Variants in ACER2 observed in about 807,000 individuals in gnomAD.
ACER2 encodes alkCDase 2.
Under a neutral mutation model 34.7 loss-of-function variants are expected in ACER2, and 26 were observed. The ratio of observed to expected loss-of-function variants is 0.75; its 90% CI spans 0.55 to 1.04. The LOEUF (loss-of-function observed/expected upper bound fraction) is 1.04. Ranked by LOEUF, ACER2 falls within the 50% of genes least tolerant of loss-of-function variation. ACER2 has a pLI of 0.00. For missense variants in ACER2, 352 were observed against 340.8 expected, an observed-to-expected ratio of 1.03 and a Z score of -0.26; for synonymous variants, 138 against 132.1, an observed-to-expected ratio of 1.04 and a Z score of -0.31.
chr9:19,424,695 T>G lies in ACER2; in HGVS notation c.224-5T>G. The G allele has an allele frequency of 6.2e-7, 1 of 1,613,022 alleles. No individual in the cohort carries two copies. The highest frequency in any genetic ancestry group is 8.5e-7 in the Non-Finnish European group (1 of 1,179,974). On this transcript the variant is annotated splice_polypyrimidine_tract_variant and splice_region_variant and intron_variant, in intron 2 of 5. Transcript: ENST00000340967. ...CCTTTTTTTATTGGTTGTAATTGAT[T>G]CTAGGAATTGGATCCGTCTACTTCC...
chr9:19,444,570 A>G (rs1831285184), intron 4 of ACER2, among the ~76,000 whole-genome samples: 1 of 152,166 alleles, frequency 6.6e-6, no homozygotes, highest in Admixed American at 6.5e-5. Context: ...ATTCGAAACC[A>G]TCCTGGTCGG....
chr9:19,434,844 T>C, intron 3 of ACER2, 103 bp from the exon 4 acceptor site: 1 of 1,465,380 alleles, frequency 6.8e-7, no homozygotes, highest in Non-Finnish European at 9.3e-7. Context: ...GAATTTCTTT[T>C]CAGCTTGTAT....
At chr9:19,449,983 G>C (rs1831507317) in intron 5 of ACER2, among the ~76,000 whole-genome samples, 1 of 151,678 alleles carries the variant, frequency 6.6e-6, no homozygotes, top group Non-Finnish European at 1.5e-5. Context: ...TACAGGTACA[G>C]TGAGGATAAA....
At chr9:19,432,924 T>A (rs1040493554) in intron 3 of ACER2, among the ~76,000 whole-genome samples, 1 of 151,254 alleles carries the variant, frequency 6.6e-6, no homozygotes, top group Non-Finnish European at 1.5e-5. Context: ...AGAAAAAAAT[T>A]GTTAAACCCT....
intron 1 of ACER2, among the ~76,000 whole-genome samples, chr9:19,409,619 A>G (rs2132447526): frequency 6.6e-6 from 1 of 151,918 alleles, no homozygotes; most frequent in African/African-American, 2.4e-5. Flanking sequence ...CTGCTCTCGG[A>G]GTGCTGGGAA....
chr9:19,409,876 C>T (rs1260388210), intron 1 of ACER2: 1 of 985,156 alleles, frequency 1.0e-6, no homozygotes, highest in Non-Finnish European at 1.2e-6. Flanking sequence ...TGATAATGTG[C>T]GGGTTTTGGA....
intron 5 of ACER2, among the ~76,000 whole-genome samples, chr9:19,448,402 ATCT>A (rs1033420636): frequency 6.6e-6 from 1 of 152,154 alleles, no homozygotes; most frequent in Admixed American, 6.5e-5. Flanking sequence ...CATATATATA[ATCT>A]TCATTTTTGT....
intron 3 of ACER2, among the ~76,000 whole-genome samples, chr9:19,434,056 C>A (rs1359224640): frequency 7.3e-6 from 1 of 137,314 alleles, no homozygotes; most frequent in African/African-American, 2.9e-5. Context: ...ACTTCTCAGA[C>A]GGGGCGGCCG....
At chr9:19,409,315 G>T in intron 1 of ACER2, 123 bp downstream of exon 1, 1 of 910,642 alleles carries the variant, frequency 1.1e-6, no homozygotes, top group African/African-American at 1.7e-5. Context: ...TCCAGGGGCT[G>T]AGTCAGTCCA....
chr9:19,427,422 G>A (rs1830603036), intron 3 of ACER2, among the ~76,000 whole-genome samples: 1 of 152,116 alleles, frequency 6.6e-6, no homozygotes, highest in Non-Finnish European at 1.5e-5. Flanking sequence ...GACCAGGGAG[G>A]GCAAGAAGGC....
At chr9:19,438,461 G>A (rs935183362) in intron 4 of ACER2, among the ~76,000 whole-genome samples, 1 of 152,216 alleles carries the variant, frequency 6.6e-6, no homozygotes, top group Non-Finnish European at 1.5e-5. Flanking sequence ...TGCCGTGTTT[G>A]TGGACCTGGA....
chr9:19,419,227 G>A (rs1011991360), intron 1 of ACER2, among the ~76,000 whole-genome samples: 1 of 152,156 alleles, frequency 6.6e-6, no homozygotes, highest in Non-Finnish European at 1.5e-5. Context: ...TGCATATACA[G>A]TATAGTACTT....
chr9:19,424,479 G>C, intron 2 of ACER2: 1 of 985,412 alleles, frequency 1.0e-6, no homozygotes, highest in Non-Finnish European at 1.2e-6. Flanking sequence ...AATTGTTAAA[G>C]TTCTGATGTG....
At chr9:19,413,443 A>G (rs184473544) in intron 1 of ACER2, among the ~76,000 whole-genome samples, 6 of 152,226 alleles carry the variant, frequency 3.9e-5, no homozygotes, top group African/African-American at 1.4e-4. Flanking sequence ...TACCAAAAAT[A>G]CAAAAAACTA....
rs115019526 is a variant in ACER2, at chr9:19,427,708, C to T, written c.365+2867C>T. Among the ~76,000 whole-genome samples the T allele has an allele frequency of 9.7e-4, 139 of 142,946 alleles. 1 individual carries two copies. Among genetic ancestry groups the T allele is most frequent in the African/African-American group, 3.6e-3 (131 of 36,268 alleles). The allele number at this position is 142,946 out of a possible 152,430, so 93.8% of individuals were successfully genotyped here. A position where few individuals can be genotyped will look rare whatever the true frequency, so the allele number is the denominator to read the frequency against. On this transcript the variant is annotated intron_variant, in intron 3 of 5. Transcript: ENST00000340967. ...CTGAGACGGACTGTCTCTCTGTTGCCCAGGCTGGAGTGCTGTGGCACAATC... is the reference window on the plus strand; with the variant it reads ...CTGAGACGGACTGTCTCTCTGTTGCTCAGGCTGGAGTGCTGTGGCACAATC...
At chr9:19,424,496 T>C in intron 2 of ACER2, 1 of 985,390 alleles carries the variant, frequency 1.0e-6, no homozygotes, top group African/African-American at 1.7e-5. Context: ...TGTGCTGATA[T>C]TTGGGCCCTA....
intron 1 of ACER2, among the ~76,000 whole-genome samples, chr9:19,410,768 A>G (rs1244676022): frequency 6.6e-6 from 1 of 152,202 alleles, no homozygotes; most frequent in East Asian, 1.9e-4. Flanking sequence ...TGACTTATGT[A>G]TTGCATAACC....
intron 3 of ACER2, among the ~76,000 whole-genome samples, chr9:19,425,556 TGGG>T (rs1372047133): frequency 2.6e-5 from 4 of 152,216 alleles, no homozygotes; most frequent in Non-Finnish European, 4.4e-5. Flanking sequence ...ACACTGAAGT[TGGG>T]GAGATTACAA....
At chr9:19,419,385 C>T (rs1036543691) in intron 1 of ACER2, among the ~76,000 whole-genome samples, 1 of 152,122 alleles carries the variant, frequency 6.6e-6, no homozygotes, top group Admixed American at 6.6e-5. Context: ...TGGGACGTCT[C>T]AGACAACTTG....
Sources: allele counts gnomAD v4.1 joint callset (sites outside exome capture counted in the v4.1 genomes callset), GRCh38; gene constraint gnomAD v4.1.1; transcripts MANE v1.5; gene names NCBI Gene and HGNC (gene_info 2026-07-23, HGNC 2026-07-21).